The following MGAT4A variants were observed in gnomAD, a reference collection of about 807,000 sequenced individuals.
MGAT4A encodes alpha-1,3-mannosyl-glycoprotein 4-beta-N-acetylglucosaminyltransferase A.
A neutral mutation model predicts 74.1 loss-of-function variants in MGAT4A; 33 were observed. The ratio of observed to expected loss-of-function variants is 0.45; its 90% CI spans 0.34 to 0.60. MGAT4A has a LOEUF of 0.60. Ranked by LOEUF, MGAT4A falls within the 20% of genes least tolerant of loss-of-function variation. The probability of loss-of-function intolerance (pLI) is 0.02; values close to 1 mark genes in which losing one functional copy is unlikely to be tolerated. For synonymous variants in MGAT4A, 198 were observed against 210.4 expected (o/e 0.94, Z 0.51); for missense variants, 479 against 628.3 (o/e 0.76, Z 2.54).
intron 2 of MGAT4A, among the ~76,000 whole-genome samples, chr2:98,682,180 T>G (rs1702069068): frequency 6.6e-6 from 1 of 152,174 alleles, no homozygotes; most frequent in Non-Finnish European, 1.5e-5. Flanking sequence ...CCCAGCACTT[T>G]GGGAGGCCGA....
chr2:98,726,362 T>G lies in MGAT4A; in HGVS notation c.-30A>C. Reference sequence around the variant, plus strand: ...TTTCACCATCACACTGGTCCATATGTTTATGATGACAACAACCAGGACTGT... The same window carrying G: ...TTTCACCATCACACTGGTCCATATGGTTATGATGACAACAACCAGGACTGT... On this transcript the variant is annotated 5_prime_UTR_variant, in exon 2 of 16. Coordinates refer to ENST00000393487, the MANE Select transcript of MGAT4A (RefSeq NM_012214.3). 1.3e-6 allele frequency: 2 copies of G among 1,582,826 alleles called. No homozygotes were observed. Among genetic ancestry groups the G allele is most frequent in the Non-Finnish European group, 1.7e-6 (2 of 1,153,644 alleles).
chr2:98,720,429 C>T (rs142870230), intron 2 of MGAT4A, among the ~76,000 whole-genome samples: 1 of 152,266 alleles, frequency 6.6e-6, no homozygotes, highest in East Asian at 1.9e-4. Context: ...AGCTGGTCCT[C>T]GGGCCTTTGA....
Position 98,623,717 on chromosome 2 carries a change from A to G in MGAT4A, c.*1849T>C, listed in dbSNP as rs1429077816. On this transcript the variant is annotated 3_prime_UTR_variant, in exon 16 of 16. Coordinates refer to ENST00000393487, the MANE Select transcript of MGAT4A (RefSeq NM_012214.3). The stretch of plus-strand genomic sequence containing the variant: ...AGAAAAGTAACTAAAAATTATAACA[A>G]CATGGAGTGATGGAAATAATTGTAC... 6.1e-6 allele frequency: 6 copies of G among 985,338 alleles called. No homozygotes were observed. The highest frequency in any genetic ancestry group is 7.2e-6 in the Non-Finnish European group (6 of 829,926). The allele number at this position is 985,338 out of a possible 1,614,324, so 61.0% of individuals were successfully genotyped here. A position where few individuals can be genotyped will look rare whatever the true frequency, so the allele number is the denominator to read the frequency against.
chr2:98,667,178 C>A (rs1701845307), intron 4 of MGAT4A, among the ~76,000 whole-genome samples: 1 of 152,194 alleles, frequency 6.6e-6, no homozygotes, highest in Non-Finnish European at 1.5e-5. Flanking sequence ...TCCCTAGCCA[C>A]ATGGAACTGT....
rs554420861 is a variant in MGAT4A at position 98,652,628 on chromosome 2, G to A, written c.774+2817C>T. 4.7e-5 allele frequency among the ~76,000 whole-genome samples: 7 copies of A among 148,594 alleles called. No individual in the cohort carries two copies. In the South Asian group the frequency reaches 1.5e-3, roughly 32 times the overall value. On this transcript the variant is annotated intron_variant, in intron 8 of 15. Transcript: ENST00000393487. ...TTACAGGCGTGGGCCACCGTGCCCA[G>A]CCAACAATTTTTTTTAAGACAGGTT...
intron 2 of MGAT4A, among the ~76,000 whole-genome samples, chr2:98,678,717 AG>A (rs1702014463): frequency 6.6e-6 from 1 of 152,142 alleles, no homozygotes; most frequent in Non-Finnish European, 1.5e-5. Context: ...AAATGTGAGC[AG>A]TCTCCAGCAC....
At chr2:98,729,670 T>C (rs1354309529) in intron 1 of MGAT4A, among the ~76,000 whole-genome samples, 2 of 152,248 alleles carry the variant, frequency 1.3e-5, no homozygotes, top group Non-Finnish European at 2.9e-5. Flanking sequence ...CATTTTATTA[T>C]TGGATACAAA....
At chr2:98,679,146 C>T (rs1307146430) in intron 2 of MGAT4A, among the ~76,000 whole-genome samples, 1 of 152,084 alleles carries the variant, frequency 6.6e-6, no homozygotes, top group Admixed American at 6.5e-5. Flanking sequence ...GTGGCTCACG[C>T]CTGTAATCCC....
chr2:98,621,541 CCAGA>C lies in MGAT4A; in HGVS notation c.*4021_*4024del, dbSNP rs1323797082. 5 of 1,551,196 alleles carry C rather than the reference CCAGA, an allele frequency of 3.2e-6. No individual in the cohort carries two copies. In the South Asian group the frequency reaches 3.6e-5, roughly 11 times the overall value. ...AGTCACAAGATTTGATTAGCCACCC[CCAGA>C]CAGTCTTCCTTTTGCTACATAACAT... On this transcript the variant is annotated 3_prime_UTR_variant, in exon 16 of 16. Transcript: ENST00000393487.
rs184144918 is a variant in MGAT4A, at chr2:98,729,243, C to T, written c.-236+1805G>A. Among the ~76,000 whole-genome samples, 248 of 151,664 alleles carry T rather than the reference C, an allele frequency of 1.6e-3. 1 individual carries two copies. In the South Asian group the frequency reaches 0.021, roughly 13 times the overall value. On this transcript the variant is annotated intron_variant, in intron 1 of 15. Transcript: ENST00000393487. ...ACAATAAATTCTACTAGCAAATAAGCCCTGAAATTTTGCAAGAAAAATATG... is the reference window on the plus strand; with the variant it reads ...ACAATAAATTCTACTAGCAAATAAGTCCTGAAATTTTGCAAGAAAAATATG...
At chr2:98,665,959 G>A (rs913877302) in intron 4 of MGAT4A, among the ~76,000 whole-genome samples, 7 of 152,246 alleles carry the variant, frequency 4.6e-5, no homozygotes, top group Admixed American at 3.3e-4. Flanking sequence ...GGGTCACATT[G>A]CATATAACAA....
At chr2:98,632,913 C>T (rs994183027) in intron 14 of MGAT4A, among the ~76,000 whole-genome samples, 6 of 152,210 alleles carry the variant, frequency 3.9e-5, no homozygotes, top group South Asian at 2.1e-4. Flanking sequence ...GCATGCACCA[C>T]CACACCTGGC....
intron 1 of MGAT4A, chr2:98,726,843 G>C (rs1417459407): frequency 6.5e-6 from 1 of 152,696 alleles, no homozygotes. Context: ...AAAGGGAAAA[G>C]TGGAGCTCAC....
At position 98,657,381 on chromosome 2, in the gene MGAT4A, A is replaced by G. The variant is rs188334725; in HGVS notation, c.584+837T>C. Among the ~76,000 whole-genome samples, 410 of 152,286 alleles carry G rather than the reference A, an allele frequency of 2.7e-3. 2 individuals are homozygous for G. The highest frequency in any genetic ancestry group is 9.3e-3 in the African/African-American group (386 of 41,562). The stretch of plus-strand genomic sequence containing the variant: ...CAGACTTGCCCCTGAGGTCAGTGGG[A>G]AAGGGGACCAATCATTACTGCCCTG... On this transcript the variant is annotated intron_variant, in intron 6 of 15. Transcript: ENST00000393487.
chr2:98,712,873 C>A (rs956326822), intron 2 of MGAT4A, among the ~76,000 whole-genome samples: 1 of 152,138 alleles, frequency 6.6e-6, no homozygotes, highest in African/African-American at 2.4e-5. Context: ...TAAAAAATGC[C>A]CTTTTGGGCC....
chr2:98,708,129 G>C (rs1336061027), intron 2 of MGAT4A, among the ~76,000 whole-genome samples: 2 of 151,408 alleles, frequency 1.3e-5, no homozygotes, highest in Non-Finnish European at 2.9e-5. Context: ...GGGTATTTTA[G>C]TGAGCTCAGT....
At position 98,624,257 on chromosome 2, in the gene MGAT4A, C is replaced by T. The variant is rs1403138221; in HGVS notation, c.*1309G>A. The T allele has an allele frequency of 1.4e-6, 1 of 728,128 alleles. No homozygotes were observed. Among genetic ancestry groups the T allele is most frequent in the Non-Finnish European group, 1.7e-6 (1 of 595,408 alleles). 45.1% of individuals were successfully genotyped at this position (728,128 alleles called of 1,614,324 possible). A position where few individuals can be genotyped will look rare whatever the true frequency, so the allele number is the denominator to read the frequency against. Reference sequence around the variant, plus strand: ...TTGATCTCCTGACCTCGTGATCCGCCCGCCTCGGCCTCCCAAAGTGCTGGG... The same window carrying T: ...TTGATCTCCTGACCTCGTGATCCGCTCGCCTCGGCCTCCCAAAGTGCTGGG... On this transcript the variant is annotated 3_prime_UTR_variant, in exon 16 of 16. Transcript: ENST00000393487.
intron 2 of MGAT4A, among the ~76,000 whole-genome samples, chr2:98,705,811 C>T (rs935064488): frequency 3.3e-5 from 5 of 151,864 alleles, no homozygotes; most frequent in Non-Finnish European, 5.9e-5. Flanking sequence ...GGCGCGGTGG[C>T]GGGCGCCTGT....
At chr2:98,687,800 C>A (rs1327338255) in intron 2 of MGAT4A, among the ~76,000 whole-genome samples, 1 of 152,190 alleles carries the variant, frequency 6.6e-6, no homozygotes. Flanking sequence ...ACAGCTGACA[C>A]CATTTCCAAC....
Sources: allele counts gnomAD v4.1 joint callset (sites outside exome capture counted in the v4.1 genomes callset), GRCh38; gene constraint gnomAD v4.1.1; transcripts MANE v1.5; gene names NCBI Gene and HGNC (gene_info 2026-07-23, HGNC 2026-07-21).